CPNE1: variants seen among roughly 807,000 people sequenced by gnomAD.
The protein encoded by CPNE1 is copine 1, also known as copine-1.
A neutral mutation model predicts 63.2 loss-of-function variants in CPNE1; 58 were observed. The ratio of observed to expected loss-of-function variants is 0.92; its 90% CI spans 0.74 to 1.14. The LOEUF is 1.14. CPNE1 is among the 50% of genes most tolerant of loss of function. CPNE1 has a pLI of 0.00. For synonymous variants in CPNE1, 237 were observed against 249.0 expected (o/e 0.95, Z 0.45); for missense variants, 672 against 661.7 (o/e 1.02, Z -0.17).
intron 13 of CPNE1, among the ~76,000 whole-genome samples, chr20:35,629,872 T>C (rs969677745): frequency 6.6e-6 from 1 of 151,776 alleles, no homozygotes; most frequent in Non-Finnish European, 1.5e-5. Context: ...TTTCCCAAGC[T>C]AGTCTCAAAT....
chr20:35,630,579 G>T, intron 12 of CPNE1, 89 bp from the exon 13 acceptor site: 1 of 1,494,524 alleles, frequency 6.7e-7, no homozygotes, highest in Non-Finnish European at 9.3e-7. Flanking sequence ...ATTCCTATAG[G>T]AGCTATGGAG....
At chr20:35,633,959 C>CAAA (rs34006508) in intron 1 of CPNE1, among the ~76,000 whole-genome samples, 5 of 40,400 alleles carry the variant, frequency 1.2e-4, no homozygotes, top group African/African-American at 1.8e-4. Flanking sequence ...GATTCCGTCT[C>CAAA]AAAAAAAAAA....
intron 1 of CPNE1, chr20:35,653,003 C>T: frequency 6.2e-7 from 1 of 1,613,842 alleles, no homozygotes; most frequent in South Asian, 1.1e-5. Context: ...TTTGGTCCAC[C>T]TCCAAAACCC....
At chr20:35,652,364 G>T in intron 1 of CPNE1, 1 of 769,428 alleles carries the variant, frequency 1.3e-6, no homozygotes, top group Non-Finnish European at 2.0e-6. Context: ...TGGTGAGTGA[G>T]TCTTCTGTAA....
chr20:35,633,030 G>A (rs2032272507), intron 1 of CPNE1, 107 bp from the exon 2 acceptor site: 1 of 765,308 alleles, frequency 1.3e-6, no homozygotes, highest in Admixed American at 2.2e-5. Flanking sequence ...GCAGGGCTGA[G>A]CATACGTCCA....
Position 35,631,126 on chromosome 20 carries a change from C to T in CPNE1, c.849G>A (p.Gln283=). Reference sequence around the variant, plus strand: ...TAAAGTAACTTACAGTGAAGTTGATCTGACAGCCTCCCATCACATAGTCCA... The same window carrying T: ...TAAAGTAACTTACAGTGAAGTTGATTTGACAGCCTCCCATCACATAGTCCA... The part of the protein sequence containing the change: ...SFLDYVMGGC[Q]INFTVGVDFT... The change falls in exon 10 of 16, where the codon CAG becomes CAA. Residue 283 remains glutamine, a synonymous_variant. Transcript: ENST00000397443. The T allele has an allele frequency of 6.2e-7, 1 of 1,614,176 alleles. No homozygotes were observed. The highest frequency in any genetic ancestry group is 8.5e-7 in the Non-Finnish European group (1 of 1,180,030).
chr20:35,654,928 C>G lies in CPNE1; in HGVS notation c.-1+9832G>C, dbSNP rs567896893. ...AACAGAAGTGGTGGCAGTAACTACA[C>G]TGGGTGATGGATTATTAAAGTTGGA... On this transcript the variant is annotated intron_variant, in intron 1 of 15. Transcript: ENST00000397443. 2.5e-6 allele frequency: 4 copies of G among 1,614,128 alleles called. No homozygotes were observed. The highest frequency in any genetic ancestry group is 1.3e-5 in the African/African-American group (1 of 75,018).
Position 35,632,018 on chromosome 20 carries a change from A to G in CPNE1, c.464T>C (p.Leu155Pro). 6.2e-7 allele frequency: 1 copy of G among 1,614,074 alleles called. No homozygotes were observed. ...CTCCAGAAATGGATCTGATTTTCCC[A>G]GGAAGTCCTGCCAATGCGAGACCCC... ...EARNLDKKDF[L>P]GKSDPFLEFF... The change falls in exon 6 of 16, where the codon CTG becomes CCG. Residue 155 changes from leucine (L) to proline (P), a missense_variant. By Grantham distance (98) the Leu-to-Pro change is moderately conservative. Transcript: ENST00000397443.
At chr20:35,638,392 A>G (rs1442946127) in intron 1 of CPNE1, among the ~76,000 whole-genome samples, 1 of 152,242 alleles carries the variant, frequency 6.6e-6, no homozygotes, top group Non-Finnish European at 1.5e-5. Flanking sequence ...TGAATCAGAA[A>G]TAAGCAAAGT....
chr20:35,664,404 G>C (rs1165728776), intron 1 of CPNE1: 2 of 152,300 alleles, frequency 1.3e-5, no homozygotes, highest in East Asian at 1.9e-4. Context: ...CACTGGGGGA[G>C]ACAAGAAATC....
chr20:35,628,201 C>A (rs889827367), intron 13 of CPNE1, among the ~76,000 whole-genome samples: 1 of 151,900 alleles, frequency 6.6e-6, no homozygotes, highest in African/African-American at 2.4e-5. Context: ...AGGAGAATGG[C>A]GTGAACCCAG....
intron 1 of CPNE1, among the ~76,000 whole-genome samples, chr20:35,635,258 C>G (rs897251498): frequency 3.3e-5 from 5 of 151,860 alleles, no homozygotes; most frequent in African/African-American, 9.7e-5. Context: ...CCCTTTTTTG[C>G]TTTTTCTCAA....
chr20:35,653,015 G>A (rs886883866), intron 1 of CPNE1: 27 of 1,613,694 alleles, frequency 1.7e-5, no homozygotes, highest in Non-Finnish European at 2.2e-5. Context: ...CCAAAACCCG[G>A]AACATCCAGT....
At chr20:35,663,490 A>T (rs751032075) in intron 1 of CPNE1, among the ~76,000 whole-genome samples, 1 of 152,092 alleles carries the variant, frequency 6.6e-6, no homozygotes, top group Non-Finnish European at 1.5e-5. Flanking sequence ...TTGCCATCAC[A>T]CTTTTTTCCA....
chr20:35,645,454 T>C (rs2033047973), intron 1 of CPNE1, among the ~76,000 whole-genome samples: 1 of 152,228 alleles, frequency 6.6e-6, no homozygotes, highest in South Asian at 2.1e-4. Context: ...ATGTACCTAG[T>C]ATAAGCACAA....
rs746941698 is a variant in CPNE1 at position 35,626,688 on chromosome 20, C to T, written c.1352G>A (p.Gly451Asp). Reference protein sequence around the residue: ...LPMSVIIVGVGGADFEAMEQL... With the variant: ...LPMSVIIVGVDGADFEAMEQL... ...CTCCATGGCCTCAAAGTCAGCACCA[C>T]CCACACCCACAATGATCACTGACAT... The change falls in exon 15 of 16, where the codon GGT becomes GAT. Residue 451 changes from glycine to aspartate, a missense_variant. Coordinates refer to ENST00000397443, the MANE Select transcript of CPNE1 (RefSeq NM_152925.3). The T allele has an allele frequency of 6.2e-7, 1 of 1,614,176 alleles. No homozygotes were observed. Among genetic ancestry groups the T allele is most frequent in the South Asian group, 1.1e-5 (1 of 91,090 alleles).
intron 1 of CPNE1, chr20:35,658,849 C>A: frequency 3.0e-6 from 2 of 664,806 alleles, no homozygotes; most frequent in Admixed American, 2.2e-5. Flanking sequence ...AATATAGTTG[C>A]TACATATATT....
At chr20:35,629,428 A>G (rs1305154329) in intron 13 of CPNE1, among the ~76,000 whole-genome samples, 1 of 152,174 alleles carries the variant, frequency 6.6e-6, no homozygotes, top group Non-Finnish European at 1.5e-5. Context: ...TGCACCCTGC[A>G]AGGAGGCAAA....
chr20:35,632,615 C>T lies in CPNE1; in HGVS notation c.211G>A (p.Val71Ile), dbSNP rs774231714. ...TAGATTCCAAAGCGTAGCTTCTGGA[C>T]TGTCTCAAAGCGGTACTCAAGCTGT... ...TLQLEYRFET[V>I]QKLRFGIYDI... Residue 71 changes from valine (V) to isoleucine (I), a missense_variant, in exon 3 of 16, where the codon GTC (valine) becomes ATC (isoleucine). Physicochemically the swap from Val to Ile is conservative, Grantham distance 29. Coordinates refer to ENST00000397443, the MANE Select transcript of CPNE1 (RefSeq NM_152925.3). 6.3e-7 allele frequency: 1 copy of T among 1,587,472 alleles called. No individual in the cohort carries two copies. The highest frequency in any genetic ancestry group is 1.1e-5 in the South Asian group (1 of 90,508).
Sources: allele counts gnomAD v4.1 joint callset (sites outside exome capture counted in the v4.1 genomes callset), GRCh38; gene constraint gnomAD v4.1.1; transcripts MANE v1.5; gene names NCBI Gene and HGNC (gene_info 2026-07-23, HGNC 2026-07-21).